Variants in RPH3AL observed in about 807,000 individuals in gnomAD.
RPH3AL encodes the protein rab effector Noc2.
Under a neutral mutation model 43.1 loss-of-function variants are expected in RPH3AL, and 38 were observed. The ratio of observed to expected loss-of-function variants is 0.88; its 90% confidence interval spans 0.68 to 1.15. RPH3AL has a LOEUF of 1.15. Among genes scored for constraint, RPH3AL ranks in the 50% most tolerant of loss-of-function variants. The pLI is 0.00. For synonymous variants in RPH3AL, 189 were observed against 176.3 expected (o/e 1.07, Z -0.57); for missense variants, 462 against 423.2 (o/e 1.09, Z -0.81).
intron 1 of RPH3AL, among the ~76,000 whole-genome samples, chr17:345,425 C>T (rs532185975): frequency 7.4e-6 from 1 of 135,670 alleles, no homozygotes; most frequent in African/African-American, 2.5e-5. Context: ...GCAGGAACTT[C>T]CTCAAACAAA....
intron 7 of RPH3AL, among the ~76,000 whole-genome samples, chr17:242,968 C>CTACTTTCCTCTATTGAA (rs2041606186): frequency 8.8e-6 from 1 of 113,624 alleles, no homozygotes; most frequent in East Asian, 2.5e-4. Context: ...CCTCTATTGA[C>CTACTTTCCTCTATTGAA]TACCTTCCTC....
intron 3 of RPH3AL, among the ~76,000 whole-genome samples, chr17:324,460 C>A (rs1386889974): frequency 3.9e-5 from 6 of 152,186 alleles, no homozygotes; most frequent in Non-Finnish European, 8.8e-5. Flanking sequence ...CGATGGGCTG[C>A]AACCTCCAGG....
chr17:332,912 C>A, intron 2 of RPH3AL: 3 of 862,916 alleles, frequency 3.5e-6, no homozygotes, highest in Non-Finnish European at 4.8e-6. Flanking sequence ...CCCCGCAGTA[C>A]AGGGACTAGG....
chr17:252,975 G>A (rs1263495608), intron 6 of RPH3AL, among the ~76,000 whole-genome samples: 2 of 152,190 alleles, frequency 1.3e-5, no homozygotes, highest in East Asian at 1.9e-4. Context: ...ATGACATAGA[G>A]TCAGGCCGCC....
At chr17:234,002 T>C (rs2041298603) in intron 7 of RPH3AL, among the ~76,000 whole-genome samples, 1 of 62,990 alleles carries the variant, frequency 1.6e-5, no homozygotes, top group Non-Finnish European at 3.0e-5. Context: ...CTGACCAACT[T>C]CCCCGAGCAG....
intron 7 of RPH3AL, among the ~76,000 whole-genome samples, chr17:229,681 T>C (rs142865642): frequency 2.8e-3 from 420 of 152,318 alleles, no homozygotes; most frequent in Non-Finnish European, 4.7e-3. Context: ...AGGAGGCTGC[T>C]TCCATGGCCA....
chr17:306,946 G>A (rs561724744), intron 5 of RPH3AL, among the ~76,000 whole-genome samples: 51 of 152,170 alleles, frequency 3.4e-4, no homozygotes, highest in Middle Eastern at 3.4e-3. Flanking sequence ...TGCCTCTGCC[G>A]AGCTGTGCCT....
chr17:293,288 G>A (rs924311495), intron 5 of RPH3AL, among the ~76,000 whole-genome samples: 1 of 152,248 alleles, frequency 6.6e-6, no homozygotes, highest in African/African-American at 2.4e-5. Flanking sequence ...CGTCCCGAGT[G>A]GAGAGGAGGG....
chr17:235,135 C>A (rs1239760081), intron 7 of RPH3AL, among the ~76,000 whole-genome samples: 1 of 147,952 alleles, frequency 6.8e-6, no homozygotes. Flanking sequence ...AGGCTCTGCA[C>A]TAACAAGACG....
chr17:286,383 G>A (rs927651601), intron 5 of RPH3AL, among the ~76,000 whole-genome samples: 6 of 152,112 alleles, frequency 3.9e-5, no homozygotes, highest in Admixed American at 2.6e-4. Context: ...GGCGGCACCT[G>A]GGGTCAGTTC....
chr17:265,118 G>C (rs1268959943), intron 6 of RPH3AL, among the ~76,000 whole-genome samples: 3 of 152,138 alleles, frequency 2.0e-5, no homozygotes, highest in Non-Finnish European at 4.4e-5. Context: ...ACAGGGCCTT[G>C]CTCTGTTACC....
At position 323,555 on chromosome 17, in the gene RPH3AL, C is replaced by T. The variant is rs140746930; in HGVS notation, c.78-2140G>A. 5.9e-5 allele frequency among the ~76,000 whole-genome samples: 9 copies of T among 152,308 alleles called. No individual in the cohort carries two copies. Among genetic ancestry groups the T allele is most frequent in the Admixed American group, 2.0e-4 (3 of 15,308 alleles). On this transcript the variant is annotated intron_variant, in intron 3 of 9. Transcript: ENST00000331302. The surrounding 1 kb of genome is among the most constrained non-coding windows in gnomAD (Gnocchi z 4.4). The stretch of plus-strand genomic sequence containing the variant: ...GCCAGGACACACTTCGTGTGGTTCC[C>T]GGGCCAGGGGAAGGGAGTTGGAAGC...
rs866416537 is a variant in RPH3AL at position 303,623 on chromosome 17, G to A, written c.351+15797C>T. 7.9e-3 allele frequency among the ~76,000 whole-genome samples: 66 copies of A among 8,334 alleles called. 13 individuals carry two copies. The highest frequency in any genetic ancestry group is 0.083 in the Middle Eastern group (1 of 12). The allele number at this position is 8,334 out of a possible 152,430, so 5.5% of individuals were successfully genotyped here. A position where few individuals can be genotyped will look rare whatever the true frequency, so the allele number is the denominator to read the frequency against. The stretch of plus-strand genomic sequence containing the variant: ...TTCAGGAAAGAGATGGGGAGGGAGG[G>A]AGGCTGTACTGAGGTTTTAATAATT... On this transcript the variant is annotated intron_variant, in intron 5 of 9. Coordinates refer to ENST00000331302, the MANE Select transcript of RPH3AL (RefSeq NM_006987.4).
Position 323,586 on chromosome 17 carries a change from C to A in RPH3AL, c.78-2171G>T, listed in dbSNP as rs1455046400. On this transcript the variant is annotated intron_variant, in intron 3 of 9. Transcript: ENST00000331302. The surrounding 1 kb of genome is among the most constrained non-coding windows in gnomAD (Gnocchi z 4.4). ...AGGGGAAGGGAGTTGGAAGCCAGGG[C>A]CCCCAGGTTCAGGGAATCACCACTC... Among the ~76,000 whole-genome samples the A allele has an allele frequency of 6.6e-6, 1 of 152,124 alleles. No individual in the cohort carries two copies. Among genetic ancestry groups the A allele is most frequent in the Non-Finnish European group, 1.5e-5 (1 of 67,998 alleles).
At position 246,039 on chromosome 17, in the gene RPH3AL, C is replaced by A. The variant is rs1043634216; in HGVS notation, c.613+1072G>T. Among the ~76,000 whole-genome samples the A allele has an allele frequency of 6.6e-6, 1 of 152,184 alleles. No individual in the cohort carries two copies. Among genetic ancestry groups the A allele is most frequent in the African/African-American group, 2.4e-5 (1 of 41,434 alleles). ...AAGGCACAGATGCCGACCTACCTGG[C>A]AGGTCCACGTATGGGGGATTTATAC... is the stretch of plus-strand genomic sequence containing the variant. On this transcript the variant is annotated intron_variant, in intron 7 of 9. Coordinates refer to ENST00000331302, the MANE Select transcript of RPH3AL (RefSeq NM_006987.4). The surrounding 1 kb of genome is among the most constrained non-coding windows in gnomAD (Gnocchi z 4.8).
chr17:277,859 G>A (rs569647459), intron 6 of RPH3AL, among the ~76,000 whole-genome samples: 1 of 152,246 alleles, frequency 6.6e-6, no homozygotes. Context: ...GGAGGCTGAG[G>A]GGGGAGGGTT....
intron 5 of RPH3AL, chr17:306,563 C>A (rs948842088): frequency 5.9e-5 from 9 of 152,226 alleles, no homozygotes; most frequent in African/African-American, 1.9e-4. Flanking sequence ...TTCAGAGTCT[C>A]CATCTTGGCT....
intron 5 of RPH3AL, among the ~76,000 whole-genome samples, chr17:300,303 C>T (rs369213411): frequency 0.011 from 622 of 59,096 alleles, 3 homozygotes; most frequent in East Asian, 0.077. Context: ...CCTGCAGAAT[C>T]TCTCACCCGG....
Position 219,710 on chromosome 17 carries a change from A to AGTCACT in RPH3AL, c.634_639dup (p.Ser214_Asp215dup). The AGTCACT allele has an allele frequency of 1.2e-6, 2 of 1,613,448 alleles. No homozygotes were observed. The highest frequency in any genetic ancestry group is 1.3e-5 in the African/African-American group (1 of 74,830). ...TCTAGGCTGGAGGAGCTAAGATCCG[A>AGTCACT]GTCACTGTCACTGTCACTGGAAACC... On this transcript the variant is annotated inframe_insertion, in exon 8 of 10. Coordinates refer to ENST00000331302, the MANE Select transcript of RPH3AL (RefSeq NM_006987.4).
Sources: gnomAD v4.1 joint callset for allele counts (sites outside exome capture counted in the v4.1 genomes callset) on GRCh38, gnomAD v4.1.1 for gene constraint, Gnocchi (gnomAD v3.1) non-coding constraint, MANE v1.5 for transcripts, NCBI Gene and HGNC (gene_info 2026-07-23, HGNC 2026-07-21) for gene names.